Variants in MACF1 observed in about 807,000 individuals in gnomAD.
MACF1 encodes microtubule-actin cross-linking factor 1.
In MACF1, 193 loss-of-function variants were observed where a neutral mutation model predicts 854.8. The ratio of observed to expected loss-of-function variants is 0.23; its 90% CI spans 0.20 to 0.25. The LOEUF (loss-of-function observed/expected upper bound fraction) is 0.25. Among genes scored for constraint, MACF1 ranks in the 10% least tolerant of loss-of-function variants. The pLI is 1.00. For missense variants in MACF1, 7,722 were observed against 8,929.1 expected (o/e 0.86, Z 5.45); for synonymous variants, 3,185 against 3,226.7 (o/e 0.99, Z 0.44).
intron 2 of MACF1, among the ~76,000 whole-genome samples, chr1:39,186,655 T>C (rs962980237): frequency 6.2e-5 from 9 of 146,230 alleles, no homozygotes; most frequent in African/African-American, 2.5e-4. Flanking sequence ...CCACCCAGGC[T>C]GGAGTGCAGT....
At chr1:39,271,273 A>G (rs1005765634) in intron 6 of MACF1, among the ~76,000 whole-genome samples, 3 of 152,144 alleles carry the variant, frequency 2.0e-5, no homozygotes, top group Non-Finnish European at 4.4e-5. Flanking sequence ...GGAAACTTAC[A>G]ATCTTGGTGG....
At chr1:39,466,015 C>G (rs2124103323) in intron 95 of MACF1, among the ~76,000 whole-genome samples, 1 of 152,290 alleles carries the variant, frequency 6.6e-6, no homozygotes, top group East Asian at 1.9e-4. Context: ...AGTCCTGACA[C>G]CCTCTTCTAC....
chr1:39,346,139 A>G (rs1452807209), intron 40 of MACF1, among the ~76,000 whole-genome samples: 4 of 151,586 alleles, frequency 2.6e-5, no homozygotes, highest in Non-Finnish European at 4.4e-5. Context: ...CAAGGCGGGC[A>G]GATCATGAGG....
At chr1:39,345,065 T>C (rs1647015331) in intron 40 of MACF1, among the ~76,000 whole-genome samples, 1 of 152,120 alleles carries the variant, frequency 6.6e-6, no homozygotes, top group Non-Finnish European at 1.5e-5. Flanking sequence ...AAGAAGCCCT[T>C]TCTGCCTGTT....
chr1:39,311,288 GAGATGCTACTCTT>G (rs1646295035), intron 26 of MACF1, among the ~76,000 whole-genome samples: 1 of 152,186 alleles, frequency 6.6e-6, no homozygotes, highest in African/African-American at 2.4e-5. Context: ...CTGCTTAGTA[GAGATGCTACTCTT>G]TTATTCTATC....
chr1:39,102,365 G>C (rs981502836), intron 2 of MACF1, among the ~76,000 whole-genome samples: 16 of 149,932 alleles, frequency 1.1e-4, no homozygotes, highest in African/African-American at 3.9e-4. Context: ...AAGGATGAGA[G>C]ACACTGTACC....
intron 58 of MACF1, among the ~76,000 whole-genome samples, chr1:39,393,274 A>G (rs1443683569): frequency 1.4e-5 from 2 of 145,038 alleles, no homozygotes; most frequent in South Asian, 2.2e-4. Context: ...GAAATTCCCT[A>G]CGTAGGTTTT....
chr1:39,205,187 G>A, intron 1 of MACF1, 56 bp downstream of exon 1: 1 of 700,874 alleles, frequency 1.4e-6, no homozygotes, highest in Non-Finnish European at 2.6e-6. Flanking sequence ...TTTGAGGGTG[G>A]GGTGAATGAT....
At chr1:39,262,397 CAAAA>C (rs56376033) in intron 6 of MACF1, among the ~76,000 whole-genome samples, 2 of 68,804 alleles carry the variant, frequency 2.9e-5, no homozygotes, top group Admixed American at 2.5e-4. Context: ...GACTCCATCA[CAAAA>C]AAAAAAAAAA....
chr1:39,240,941 T>C (rs1644914786), intron 2 of MACF1, among the ~76,000 whole-genome samples: 1 of 152,162 alleles, frequency 6.6e-6, no homozygotes, highest in Admixed American at 6.5e-5. Flanking sequence ...TCACACTTTG[T>C]TCCCCTCCCA....
chr1:39,363,533 T>G (rs914015422), intron 49 of MACF1, among the ~76,000 whole-genome samples: 2 of 152,238 alleles, frequency 1.3e-5, no homozygotes, highest in Non-Finnish European at 2.9e-5. Context: ...GAGATCTTTG[T>G]TTTTTAAACC....
chr1:39,312,469 T>C (rs1350786120), intron 26 of MACF1, among the ~76,000 whole-genome samples: 1 of 152,058 alleles, frequency 6.6e-6, no homozygotes, highest in Admixed American at 6.6e-5. Flanking sequence ...TCAGTGTGCA[T>C]CTTCAAAAAA....
At chr1:39,102,187 A>G (rs1557453730) in intron 2 of MACF1, among the ~76,000 whole-genome samples, 1 of 68,392 alleles carries the variant, frequency 1.5e-5, no homozygotes, top group African/African-American at 6.1e-5. Context: ...AAAAAGAAGA[A>G]AAAGAAAGAG....
intron 58 of MACF1, among the ~76,000 whole-genome samples, chr1:39,418,529 A>G (rs1643414426): frequency 6.6e-6 from 1 of 152,240 alleles, no homozygotes; most frequent in South Asian, 2.1e-4. Flanking sequence ...AAGAAAACAA[A>G]GGACAACAGA....
chr1:39,336,963 G>A (rs576823784), intron 37 of MACF1, among the ~76,000 whole-genome samples: 1 of 152,312 alleles, frequency 6.6e-6, no homozygotes, highest in South Asian at 2.1e-4. Flanking sequence ...GTAAAATGAT[G>A]CTTGTAGATT....
chr1:39,469,599 C>T lies in MACF1; in HGVS notation c.21942C>T (p.Ser7314=), dbSNP rs1013117215. 1.2e-5 allele frequency: 19 copies of T among 1,550,396 alleles called. No individual in the cohort carries two copies. Among genetic ancestry groups the T allele is most frequent in the Non-Finnish European group, 1.7e-5 (19 of 1,146,942 alleles). Residue 7314 remains serine, a synonymous_variant, in exon 97 of 101, where the codon TCC becomes TCT. Coordinates refer to ENST00000564288, the MANE Select transcript of MACF1 (RefSeq NM_001394062.1). The part of the protein sequence containing the change: ...IKRSDSSSSI[S]SQSPIARGRT... ...GCTCTGATTCCAGCTCTTCGATTTC[C>T]AGTCAGTCTCCCATAGGTTGGCTTT...
intron 44 of MACF1, among the ~76,000 whole-genome samples, chr1:39,355,055 G>T (rs1216708167): frequency 6.6e-6 from 1 of 152,152 alleles, no homozygotes; most frequent in African/African-American, 2.4e-5. Flanking sequence ...TATTTTAGTG[G>T]TGACACCTTT....
chr1:39,445,779 C>T (rs1315697246), intron 80 of MACF1, among the ~76,000 whole-genome samples: 2 of 152,062 alleles, frequency 1.3e-5, no homozygotes, highest in African/African-American at 4.8e-5. Context: ...GGCAATATAG[C>T]AAGACCCCAT....
In MACF1 at chr1:39,310,396, G is replaced by A. The variant is rs755095037; in HGVS notation, c.3068G>A (p.Arg1023His). 16 of 1,613,938 alleles carry A rather than the reference G, an allele frequency of 9.9e-6. No homozygotes were observed. In the East Asian group the frequency reaches 2.5e-4, roughly 25 times the overall value. The change falls in exon 25 of 101, where the codon CGC becomes CAC. Residue 1023 changes from arginine to histidine, a missense_variant. By Grantham distance (29) the Arg-to-His change is conservative (BLOSUM62 0). This residue lies in a region of MACF1 where 1,137 missense variants were observed against 1,263.0 expected (regional missense o/e 0.90). Coordinates refer to ENST00000564288, the MANE Select transcript of MACF1 (RefSeq NM_001394062.1). ...LEEEVEACKA[R>H]FQHLMKSMEN... is the part of the protein sequence containing the mutation. ...GAGGAGGTGGAAGCTTGTAAAGCCC[G>A]CTTCCAGCACCTGATGAAGTCCATG...
Sources: allele counts gnomAD v4.1 joint callset (sites outside exome capture counted in the v4.1 genomes callset), GRCh38; gene constraint gnomAD v4.1.1; regional missense constraint gnomAD v4.1.1; transcripts MANE v1.5; gene names NCBI Gene and HGNC (gene_info 2026-07-23, HGNC 2026-07-21).